Variants in OTUD5 observed in about 807,000 individuals in gnomAD.
The protein encoded by OTUD5 is OTU domain-containing protein 5.
Under a neutral mutation model 36.3 loss-of-function variants are expected in OTUD5, and 2 were observed. The ratio of observed to expected loss-of-function variants is 0.06; its 90% CI spans 0.02 to 0.17. OTUD5 has a LOEUF of 0.17. Ranked by LOEUF, OTUD5 falls within the 10% of genes least tolerant of loss-of-function variation. The pLI is 1.00. For synonymous variants in OTUD5, 234 were observed against 214.9 expected (o/e 1.09, Z -0.78); for missense variants, 233 against 512.3 (o/e 0.45, Z 5.26).
At chrX:48,943,241 C>T in intron 2 of OTUD5, among the ~76,000 whole-genome samples, 1 of 111,889 alleles carries the variant, frequency 8.9e-6, no homozygotes, top group South Asian at 3.7e-4. Flanking sequence ...CACCCTAGCA[C>T]AGGACCTCAC....
intron 1 of OTUD5, among the ~76,000 whole-genome samples, chrX:48,948,171 A>G (rs1356386559): frequency 8.9e-6 from 1 of 112,325 alleles, no homozygotes; most frequent in East Asian, 2.8e-4. Context: ...GACATGGCGA[A>G]GCCTTGTCTC....
At chrX:48,927,303 G>A (rs2063682212) in intron 5 of OTUD5, among the ~76,000 whole-genome samples, 1 of 110,982 alleles carries the variant, frequency 9.0e-6, no homozygotes, top group African/African-American at 3.3e-5. Flanking sequence ...CACACAGCAA[G>A]CAGCGGACAC....
Position 48,925,874 on chromosome X carries a change from C to T in OTUD5, c.1236G>A (p.Gln412=), listed in dbSNP as rs1557047618. Reference sequence around the variant, plus strand: ...GGCTGGGGCCTCGGACCTGGCGAGCCTGTTTCTCCTGATCCCGCAACCACT... The same window carrying T: ...GGCTGGGGCCTCGGACCTGGCGAGCTTGTTTCTCCTGATCCCGCAACCACT... The part of the protein sequence containing the change: ...YLQWLRDQEK[Q]ARQVRGPSQP... The change falls in exon 6 of 9, where the codon CAG becomes CAA. Residue 412 remains glutamine, a synonymous_variant. Transcript: ENST00000376488. 6 of 1,210,838 alleles carry T rather than the reference C, an allele frequency of 5.0e-6. No homozygotes were observed. Among genetic ancestry groups the T allele is most frequent in the Non-Finnish European group, 6.7e-6 (6 of 895,021 alleles).
Position 48,934,566 on chromosome X carries a change from G to A in OTUD5, c.957C>T (p.Pro319=), listed in dbSNP as rs782171156. 3 of 1,209,571 alleles carry A rather than the reference G, an allele frequency of 2.5e-6. No individual in the cohort carries two copies. Among genetic ancestry groups the A allele is most frequent in the East Asian group, 3.0e-5 (1 of 33,847 alleles). Residue 319 remains proline (P), a synonymous_variant, in exon 5 of 9, where the codon CCC becomes CCT. Transcript: ENST00000376488. ...FHGIHQNEDE[P]IRVSYHRNIH... ...TATTCCGATGGTAGCTAACACGAATGGGTTCGTCCTCGTTTTGATGTATCC... is the reference window on the plus strand; with the variant it reads ...TATTCCGATGGTAGCTAACACGAATAGGTTCGTCCTCGTTTTGATGTATCC...
At chrX:48,941,196 G>A (rs782367721) in intron 2 of OTUD5, among the ~76,000 whole-genome samples, 2 of 110,614 alleles carry the variant, frequency 1.8e-5, no homozygotes, top group African/African-American at 6.6e-5. Flanking sequence ...ACTTTGGGAG[G>A]CCAAAGCGGG....
chrX:48,923,389 C>T, intron 8 of OTUD5, 94 bp from the exon 9 acceptor site: 1 of 707,440 alleles, frequency 1.4e-6, no homozygotes, highest in African/African-American at 2.1e-5. Context: ...TGGAGAAATC[C>T]CATAGGGCCC....
At position 48,957,538 on chromosome X, in the gene OTUD5, A is replaced by AGGC. The variant is rs1487107304; in HGVS notation, c.30_32dup (p.Pro12dup). 1 of 814,164 alleles carries AGGC rather than the reference A, an allele frequency of 1.2e-6. No homozygotes were observed. Among genetic ancestry groups the AGGC allele is most frequent in the African/African-American group, 2.3e-5 (1 of 43,518 alleles). The allele number at this position is 814,164 out of a possible 1,213,427, so 67.1% of individuals were successfully genotyped here. A position where few individuals can be genotyped will look rare whatever the true frequency, so the allele number is the denominator to read the frequency against. ...GCTCGTTGGCGGGGTCGGCGTCGGG[A>AGGC]GGCGGCGGCTTCTTTTTGGGGAGTA... On this transcript the variant is annotated inframe_insertion, in exon 1 of 9. Transcript: ENST00000376488.
At chrX:48,957,817 C>T (rs1318187632), upstream of OTUD5, 31 of 765,492 alleles carry the variant, frequency 4.0e-5, no homozygotes, top group Non-Finnish European at 4.5e-5. Flanking sequence ...GGCAGTGCGG[C>T]GAGTTTGTCT....
At chrX:48,931,063 C>T (rs782506153) in intron 5 of OTUD5, among the ~76,000 whole-genome samples, 17 of 111,371 alleles carry the variant, frequency 1.5e-4, no homozygotes, top group Non-Finnish European at 2.6e-4. Flanking sequence ...TAAAGATTTC[C>T]AAATAATCTA....
chrX:48,937,220 C>T (rs1381640931), intron 2 of OTUD5, among the ~76,000 whole-genome samples: 1 of 112,036 alleles, frequency 8.9e-6, no homozygotes, highest in Non-Finnish European at 1.9e-5. Flanking sequence ...TGCGCACAGG[C>T]TGGGGGCCCC....
chrX:48,950,022 G>A (rs187131989), intron 1 of OTUD5, among the ~76,000 whole-genome samples: 2 of 107,727 alleles, frequency 1.9e-5, no homozygotes, highest in African/African-American at 3.4e-5. Context: ...GGTGGTGGGC[G>A]CCTGCAATCC....
At chrX:48,953,556 G>A (rs2064182493) in intron 1 of OTUD5, among the ~76,000 whole-genome samples, 1 of 111,352 alleles carries the variant, frequency 9.0e-6, no homozygotes, top group Non-Finnish European at 1.9e-5. Context: ...ATCCAGCAAA[G>A]CCTTGAAAGA....
At position 48,955,569 on chromosome X, in the gene OTUD5, G is replaced by A. The variant is rs1370190033; in HGVS notation, c.594+1408C>T. On this transcript the variant is annotated intron_variant, in intron 1 of 8. Transcript: ENST00000376488. ...AGCTCAAGTGTCCTTGGCAGAGTGG[G>A]TCTCAGGCCCTTAAAAGTAGGCAAA... Among the ~76,000 whole-genome samples, 3 of 110,993 alleles carry A rather than the reference G, an allele frequency of 2.7e-5. 1 individual carries two copies. The highest frequency in any genetic ancestry group is 5.7e-5 in the Non-Finnish European group (3 of 52,834).
chrX:48,934,320 ATTTTTT>A, intron 5 of OTUD5, 138 bp downstream of exon 5: 1 of 378,462 alleles, frequency 2.6e-6, no homozygotes, highest in Non-Finnish European at 4.4e-6. Context: ...GTAACTCCCT[ATTTTTT>A]TTTTTTTTTT....
intron 5 of OTUD5, 112 bp downstream of exon 5, chrX:48,934,352 T>A: frequency 3.8e-6 from 2 of 522,838 alleles, no homozygotes; most frequent in Non-Finnish European, 6.1e-6. Context: ...GGGTGAGACC[T>A]CAGGGGAGAG....
chrX:48,943,121 G>C (rs1557051516), intron 2 of OTUD5, among the ~76,000 whole-genome samples: 1 of 111,703 alleles, frequency 9.0e-6, no homozygotes, highest in Non-Finnish European at 1.9e-5. Flanking sequence ...GCCAGAACTA[G>C]AAGGTAGGTC....
intron 5 of OTUD5, among the ~76,000 whole-genome samples, chrX:48,930,786 C>G (rs1236415184): frequency 5.4e-5 from 6 of 110,724 alleles, no homozygotes; most frequent in Non-Finnish European, 1.1e-4. Context: ...CATGGTGAAA[C>G]CCCATCTCTA....
chrX:48,950,586 A>G (rs1422821931), intron 1 of OTUD5, among the ~76,000 whole-genome samples: 6 of 84,024 alleles, frequency 7.1e-5, no homozygotes, highest in African/African-American at 3.0e-4. Flanking sequence ...TCTGTCACCC[A>G]GGCTGGAGTG....
intron 2 of OTUD5, 77 bp from the exon 3 acceptor site, chrX:48,935,095 G>A (rs2063809544): frequency 1.0e-6 from 1 of 967,390 alleles, no homozygotes; most frequent in African/African-American, 1.9e-5. Flanking sequence ...CATCCTTTGG[G>A]GAGGAGGAAC....
Sources: gnomAD v4.1 joint callset for allele counts (sites outside exome capture counted in the v4.1 genomes callset) on GRCh38, gnomAD v4.1.1 for gene constraint, MANE v1.5 for transcripts, NCBI Gene and HGNC (gene_info 2026-07-23, HGNC 2026-07-21) for gene names.